Variants in NPNT observed in about 807,000 individuals in gnomAD.
The protein encoded by NPNT is nephronectin, also known as preosteoblast EGF-like repeat protein with MAM domain.
A neutral mutation model predicts 68.6 loss-of-function variants in NPNT; 45 were observed. The observed-to-expected ratio is 0.66, with a 90% CI of 0.52 to 0.84. NPNT has a LOEUF of 0.84. NPNT is among the 40% of genes least tolerant of loss of function. The pLI is 0.00. For synonymous variants in NPNT, 233 were observed against 253.3 expected (o/e 0.92, Z 0.76); for missense variants, 672 against 714.8 (o/e 0.94, Z 0.68).
chr4:105,927,157 C>T (rs4546247), intron 2 of NPNT, 179 bp from the exon 3 acceptor site: 425,711 of 476,004 alleles, frequency 0.89, 192,447 homozygotes, highest in East Asian at 1. Context: ...ACATACATAA[C>T]ACATGTGTGT....
rs1728236861 is a variant in NPNT, at chr4:105,921,191, C to G, written c.173-6145C>G. Among the ~76,000 whole-genome samples the G allele has an allele frequency of 1.3e-5, 2 of 152,076 alleles. 1 individual carries two copies. Among genetic ancestry groups the G allele is most frequent in the South Asian group, 4.1e-4 (2 of 4,830 alleles). On this transcript the variant is annotated intron_variant, in intron 2 of 11. Transcript: ENST00000379987. ...TTTTAATCATTATTAACATTCTCTACCCCTCTCATCCTTTCCTGCTTAGTA... is the reference window on the plus strand; with the variant it reads ...TTTTAATCATTATTAACATTCTCTAGCCCTCTCATCCTTTCCTGCTTAGTA...
In NPNT at chr4:105,895,709, C is replaced by G. The variant is rs1725763617; in HGVS notation, c.57C>G (p.Ala19=). The change falls in exon 1 of 12, where the codon GCC becomes GCG. Residue 19 remains alanine, a synonymous_variant. Transcript: ENST00000379987. The stretch of plus-strand genomic sequence containing the variant: ...CCTCGCTCTACCTGCAGGCGGCCGC[C>G]GAGTTCGACGGGAGGTGAGCTGGGC... ...LVSSLYLQAA[A]EFDGRWPRQI... 1 of 1,553,248 alleles carries G rather than the reference C, an allele frequency of 6.4e-7. No homozygotes were observed. The highest frequency in any genetic ancestry group is 1.4e-5 in the African/African-American group (1 of 73,214).
chr4:105,941,883 A>G (rs1461945227), intron 7 of NPNT, among the ~76,000 whole-genome samples: 1 of 152,224 alleles, frequency 6.6e-6, no homozygotes, highest in Non-Finnish European at 1.5e-5. Flanking sequence ...ATATACACGT[A>G]GCATAGGGAT....
chr4:105,942,136 T>TAC (rs1553982748), intron 7 of NPNT, among the ~76,000 whole-genome samples, 171 bp from the exon 8 acceptor site: 6 of 147,738 alleles, frequency 4.1e-5, no homozygotes, highest in Non-Finnish European at 5.9e-5. Flanking sequence ...TATATATATA[T>TAC]ACACACATAT....
At chr4:105,918,756 C>A (rs1021364921) in intron 2 of NPNT, among the ~76,000 whole-genome samples, 1 of 152,126 alleles carries the variant, frequency 6.6e-6, no homozygotes, top group Non-Finnish European at 1.5e-5. Flanking sequence ...GTCTTAGACA[C>A]TGGGGCGTTT....
At chr4:105,898,024 T>G in intron 2 of NPNT, 23 bp downstream of exon 2, 1 of 1,497,266 alleles carries the variant, frequency 6.7e-7, no homozygotes, top group Non-Finnish European at 9.1e-7. Flanking sequence ...CCTGGGGACT[T>G]CAGTTCCCTG....
intron 8 of NPNT, among the ~76,000 whole-genome samples, chr4:105,952,444 CAAT>C (rs1730908614): frequency 6.6e-6 from 1 of 152,084 alleles, no homozygotes; most frequent in Admixed American, 6.5e-5. Flanking sequence ...AAAATAATGA[CAAT>C]AGTCTTTTCA....
At chr4:105,957,679 A>T (rs934572582) in intron 8 of NPNT, among the ~76,000 whole-genome samples, 1 of 152,128 alleles carries the variant, frequency 6.6e-6, no homozygotes, top group Non-Finnish European at 1.5e-5. Flanking sequence ...TCTTTATGAA[A>T]GTGTGTAATA....
Position 105,915,224 on chromosome 4 carries a change from C to T in NPNT, c.173-12112C>T, listed in dbSNP as rs1277290482. 2.0e-5 allele frequency among the ~76,000 whole-genome samples: 3 copies of T among 152,156 alleles called. No individual in the cohort carries two copies. In the East Asian group the frequency reaches 5.8e-4, roughly 29 times the overall value. On this transcript the variant is annotated intron_variant, in intron 2 of 11. Coordinates refer to ENST00000379987, the MANE Select transcript of NPNT (RefSeq NM_001033047.3). ...GTGCCTCATTTCCCTGTGGAGCTCACTTCCTTTAGTGCAAATGCCTGGGAC... is the reference window on the plus strand; with the variant it reads ...GTGCCTCATTTCCCTGTGGAGCTCATTTCCTTTAGTGCAAATGCCTGGGAC...
chr4:105,909,925 A>T (rs1209283215), intron 2 of NPNT, among the ~76,000 whole-genome samples: 2 of 152,176 alleles, frequency 1.3e-5, no homozygotes, highest in Non-Finnish European at 2.9e-5. Flanking sequence ...TCTGAGTCAC[A>T]TGGTAACTGC....
chr4:105,940,521 C>T lies in NPNT; in HGVS notation c.648C>T (p.Asp216=), dbSNP rs367957343. The change falls in exon 7 of 12, where the codon GAC becomes GAT. Residue 216 remains aspartate, a synonymous_variant. Transcript: ENST00000379987. ...IGGKYQCHDI[D]ECSLGQYQCS... ...TCCTACTTTCTGATGCAGACATAGA[C>T]GAATGCTCACTTGGTCAGTATCAGT... 16 of 1,612,458 alleles carry T rather than the reference C, an allele frequency of 9.9e-6. No individual in the cohort carries two copies. Among genetic ancestry groups the T allele is most frequent in the East Asian group, 6.7e-5 (3 of 44,854 alleles).
chr4:105,911,474 T>C (rs900747288), intron 2 of NPNT, among the ~76,000 whole-genome samples: 4 of 152,180 alleles, frequency 2.6e-5, no homozygotes, highest in Non-Finnish European at 5.9e-5. Context: ...AAATTATCCC[T>C]TTTCTTACCT....
At chr4:105,919,759 G>C (rs939419550) in intron 2 of NPNT, among the ~76,000 whole-genome samples, 9 of 151,740 alleles carry the variant, frequency 5.9e-5, no homozygotes, top group African/African-American at 1.9e-4. Context: ...TATTCCTTGT[G>C]CACATATGTT....
At chr4:105,940,855 A>T (rs1729889036) in intron 7 of NPNT, among the ~76,000 whole-genome samples, 1 of 152,218 alleles carries the variant, frequency 6.6e-6, no homozygotes, top group Admixed American at 6.5e-5. Context: ...GAGTATTTTA[A>T]TCTCTTCACT....
chr4:105,967,094 A>G, intron 10 of NPNT, 94 bp from the exon 11 acceptor site: 1 of 1,208,312 alleles, frequency 8.3e-7, no homozygotes. Context: ...TACAAAGAAA[A>G]GAAAAAAAAA....
intron 4 of NPNT, among the ~76,000 whole-genome samples, chr4:105,937,852 T>G (rs990403117): frequency 6.6e-6 from 1 of 152,196 alleles, no homozygotes; most frequent in African/African-American, 2.4e-5. Context: ...CTGAGTTGCA[T>G]AAAATAAAGT....
chr4:105,901,251 A>G (rs1391160486), intron 2 of NPNT, among the ~76,000 whole-genome samples: 1 of 152,236 alleles, frequency 6.6e-6, no homozygotes, highest in Non-Finnish European at 1.5e-5. Flanking sequence ...ATAATTTAGG[A>G]TAACTGAGTT....
chr4:105,912,086 T>C, intron 2 of NPNT: 3 of 765,630 alleles, frequency 3.9e-6, no homozygotes, highest in South Asian at 3.0e-5. Flanking sequence ...AAGTTGAATA[T>C]GTGTAAGTCT....
chr4:105,947,557 G>A (rs1215264092), intron 8 of NPNT, among the ~76,000 whole-genome samples: 1 of 152,044 alleles, frequency 6.6e-6, no homozygotes, highest in African/African-American at 2.4e-5. Flanking sequence ...TGAAACTACA[G>A]TTTATGCATT....
Sources: allele counts gnomAD v4.1 joint callset (sites outside exome capture counted in the v4.1 genomes callset), GRCh38; gene constraint gnomAD v4.1.1; transcripts MANE v1.5; gene names NCBI Gene and HGNC (gene_info 2026-07-23, HGNC 2026-07-21).